Variants in PYY observed in about 807,000 individuals in gnomAD.
PYY encodes peptide tyrosine tyrosine.
A neutral mutation model predicts 10.3 loss-of-function variants in PYY; 12 were observed. The observed-to-expected ratio is 1.17, with a 90% CI of 0.75 to 1.89. PYY has a LOEUF of 1.89. PYY is among the 40% of genes most tolerant of loss of function. PYY has a pLI of 0.00. For synonymous variants in PYY, 66 were observed against 62.0 expected, an observed-to-expected ratio of 1.06 and a Z score of -0.30; for missense variants, 141 against 134.0, an observed-to-expected ratio of 1.05 and a Z score of -0.26.
At chr17:43,989,118 T>C (rs1422588867) in intron 1 of PYY, among the ~76,000 whole-genome samples, 2 of 151,684 alleles carry the variant, frequency 1.3e-5, no homozygotes, top group Non-Finnish European at 2.9e-5. Flanking sequence ...CTCACGCCTG[T>C]AATCCCAAGA....
At chr17:43,981,419 G>A (rs2048882696) in intron 1 of PYY, among the ~76,000 whole-genome samples, 4 of 152,198 alleles carry the variant, frequency 2.6e-5, no homozygotes, top group African/African-American at 4.8e-5. Context: ...TGGTGGATGG[G>A]TGGTGGTATC....
chr17:43,954,376 C>T (rs1253429314), upstream of PYY, among the ~76,000 whole-genome samples: 1 of 152,190 alleles, frequency 6.6e-6, no homozygotes, highest in African/African-American at 2.4e-5. Context: ...CAAAAGACAA[C>T]CCTTTTCAGC....
chr17:43,963,592 A>AAGAAAGAAAGAAAGAAAGAAAGAAAG (rs2048730818), intron 2 of PYY, among the ~76,000 whole-genome samples: 5 of 83,644 alleles, frequency 6.0e-5, no homozygotes, highest in African/African-American at 2.1e-4. Context: ...GAAAGAAAGA[A>AAGAAAGAAAGAAAGAAAGAAAGAAAG]AGAAAGAAAG....
intron 2 of PYY, among the ~76,000 whole-genome samples, chr17:43,960,507 G>A (rs1215783712): frequency 3.7e-5 from 5 of 136,440 alleles, no homozygotes; most frequent in East Asian, 2.1e-4. Context: ...ACTCCAGCCC[G>A]AGGGACGAGA....
At chr17:43,984,073 T>C (rs1320358994) in intron 1 of PYY, among the ~76,000 whole-genome samples, 1 of 152,230 alleles carries the variant, frequency 6.6e-6, no homozygotes, top group Non-Finnish European at 1.5e-5. Flanking sequence ...CGCCCGCGTT[T>C]ATCGGGCCAT....
At chr17:43,959,158 C>T (rs768903693) in intron 2 of PYY, among the ~76,000 whole-genome samples, 16 of 152,122 alleles carry the variant, frequency 1.1e-4, no homozygotes, top group Non-Finnish European at 2.1e-4. Flanking sequence ...AAGAAAAATT[C>T]GTGCCTCAAT....
chr17:43,955,178 C>T (rs2048664026), upstream of PYY, among the ~76,000 whole-genome samples: 1 of 152,172 alleles, frequency 6.6e-6, no homozygotes, highest in Admixed American at 6.5e-5. Context: ...GACTGCCAAC[C>T]CCCTCAAACC....
chr17:43,994,794 T>C (rs1301822250), intron 1 of PYY, among the ~76,000 whole-genome samples: 2 of 151,958 alleles, frequency 1.3e-5, no homozygotes, highest in East Asian at 1.9e-4. Flanking sequence ...CCCGGAAGGG[T>C]TGGGGTCTCG....
At chr17:43,969,367 T>C (rs1726651754) in intron 1 of PYY, among the ~76,000 whole-genome samples, 1 of 151,242 alleles carries the variant, frequency 6.6e-6, no homozygotes, top group Non-Finnish European at 1.5e-5. Context: ...AATACAAAAA[T>C]TAGCTGGGCC....
chr17:43,967,504 A>C (rs2048762673), intron 1 of PYY, among the ~76,000 whole-genome samples: 1 of 152,190 alleles, frequency 6.6e-6, no homozygotes, highest in Admixed American at 6.5e-5. Context: ...GGCTAGGATG[A>C]CTGGGTTGGC....
At chr17:43,985,457 C>T (rs544729264) in intron 1 of PYY, among the ~76,000 whole-genome samples, 10 of 152,288 alleles carry the variant, frequency 6.6e-5, no homozygotes, top group East Asian at 1.9e-4. Flanking sequence ...AAGAGATCCT[C>T]GGCCTCAGCC....
upstream of PYY, among the ~76,000 whole-genome samples, chr17:43,957,409 G>C (rs2048681426): frequency 6.6e-6 from 1 of 151,952 alleles, no homozygotes; most frequent in Admixed American, 6.6e-5. Flanking sequence ...TGTAATCCCA[G>C]CACTTTGGGA....
intron 1 of PYY, among the ~76,000 whole-genome samples, chr17:43,981,112 C>T (rs569587210): frequency 7.2e-4 from 109 of 151,858 alleles, no homozygotes; most frequent in African/African-American, 2.6e-3. Context: ...TCAAGCAATC[C>T]TCCTGCCTCA....
chr17:43,980,768 G>A (rs2048879110), intron 1 of PYY, among the ~76,000 whole-genome samples: 1 of 152,138 alleles, frequency 6.6e-6, no homozygotes, highest in South Asian at 2.1e-4. Flanking sequence ...CACCGCACCT[G>A]GCCACATAGT....
At chr17:43,972,467 C>G (rs1409138808) in intron 1 of PYY, among the ~76,000 whole-genome samples, 10 of 151,982 alleles carry the variant, frequency 6.6e-5, no homozygotes, top group Non-Finnish European at 1.2e-4. Flanking sequence ...CTGCCTGCCT[C>G]AGCCTCCCAA....
intron 1 of PYY, among the ~76,000 whole-genome samples, chr17:43,983,856 C>T (rs1021279827): frequency 1.2e-4 from 19 of 152,220 alleles, no homozygotes; most frequent in Non-Finnish European, 2.2e-4. Flanking sequence ...GGGTCCTCCC[C>T]AGGCGCGCGC....
At chr17:43,963,507 C>CAAAAA (rs56079292) in intron 2 of PYY, among the ~76,000 whole-genome samples, 1 of 76,964 alleles carries the variant, frequency 1.3e-5, no homozygotes, top group African/African-American at 6.4e-5. Context: ...AACTCCATCT[C>CAAAAA]AAAAAAAAAA....
chr17:43,992,963 C>T (rs2143958424), intron 1 of PYY, among the ~76,000 whole-genome samples: 1 of 152,272 alleles, frequency 6.6e-6, no homozygotes, highest in South Asian at 2.1e-4. Context: ...TTGTTTAAGC[C>T]ACCAATTTGT....
At chr17:43,988,207 A>G (rs1012098098) in intron 1 of PYY, among the ~76,000 whole-genome samples, 3 of 152,298 alleles carry the variant, frequency 2.0e-5, no homozygotes, top group South Asian at 2.1e-4. Flanking sequence ...CCCACTGCCA[A>G]TCATCAAAAT....
Sources: gnomAD v4.1 joint callset for allele counts (sites outside exome capture counted in the v4.1 genomes callset) on GRCh38, gnomAD v4.1.1 for gene constraint, MANE v1.5 for transcripts, NCBI Gene and HGNC (gene_info 2026-07-23, HGNC 2026-07-21) for gene names.